The following S100A7A variants were observed in gnomAD, a reference collection of about 807,000 sequenced individuals.
S100A7A encodes the protein protein S100-A7A.
In S100A7A, 5 loss-of-function variants were observed where a neutral mutation model predicts 4.0. The ratio of observed to expected loss-of-function variants is 1.26; its 90% CI spans 0.66 to 2.66. S100A7A has a LOEUF of 2.66. Ranked by LOEUF, S100A7A falls within the 30% of genes most tolerant of loss-of-function variation. S100A7A has a pLI of 0.01. For synonymous variants in S100A7A, 52 were observed against 46.4 expected (o/e 1.12, Z -0.49); for missense variants, 159 against 125.1 (o/e 1.27, Z -1.29).
At chr1:153,418,782 A>T (rs1662809347) in intron 2 of S100A7A, among the ~76,000 whole-genome samples, 1 of 152,192 alleles carries the variant, frequency 6.6e-6, no homozygotes, top group African/African-American at 2.4e-5. Context: ...AGAACAAAGC[A>T]TGAGGGCCAA....
At chr1:153,416,929 G>T (rs905777061) in intron 1 of S100A7A, among the ~76,000 whole-genome samples, 2 of 152,240 alleles carry the variant, frequency 1.3e-5, no homozygotes, top group Non-Finnish European at 2.9e-5. Flanking sequence ...CCCACAGAGG[G>T]AGGAGGGATA....
In S100A7A at chr1:153,419,782, A is replaced by C. The variant is rs1662847521; in HGVS notation, c.*473A>C. 1 of 156,688 alleles carries C rather than the reference A, an allele frequency of 6.4e-6. No homozygotes were observed. Among genetic ancestry groups the C allele is most frequent in the East Asian group, 1.9e-4 (1 of 5,334 alleles). 9.7% of individuals were successfully genotyped at this position (156,688 alleles called of 1,614,324 possible). A position where few individuals can be genotyped will look rare whatever the true frequency, so the allele number is the denominator to read the frequency against. ...TCCAGGGCTTGGGGAAACAGAAACC[A>C]CTCACATAGGGATTCCTGGATGGCT... On this transcript the variant is annotated 3_prime_UTR_variant, in exon 3 of 3. Transcript: ENST00000368729.
intron 2 of S100A7A, 41 bp downstream of exon 2, chr1:153,418,264 G>T: frequency 6.2e-7 from 1 of 1,604,584 alleles, no homozygotes; most frequent in South Asian, 1.2e-5. Flanking sequence ...TTGGACCCTG[G>T]CATGGCTGAG....
At position 153,421,831 on chromosome 1, in the gene S100A7A, T is replaced by C. The variant is rs568480839; in HGVS notation, c.*2522T>C. On this transcript the variant is annotated 3_prime_UTR_variant, in exon 3 of 3. Coordinates refer to ENST00000368729, the MANE Select transcript of S100A7A (RefSeq NM_176823.4). ...TCTTATTTCACCTGATAATATTCCG[T>C]CCAATTGGCAATGGCACATAAAAAT... is the stretch of plus-strand genomic sequence containing the variant. The C allele has an allele frequency of 1.3e-5, 2 of 152,348 alleles. No homozygotes were observed. Among genetic ancestry groups the C allele is most frequent in the South Asian group, 4.1e-4 (2 of 4,828 alleles). The allele number at this position is 152,348 out of a possible 1,614,324, so 9.4% of individuals were successfully genotyped here.
rs1293773765 is a variant in S100A7A at position 153,422,003 on chromosome 1, G to T, written c.*2694G>T. 6.6e-6 allele frequency: 1 copy of T among 152,184 alleles called. No homozygotes were observed. The highest frequency in any genetic ancestry group is 1.5e-5 in the Non-Finnish European group (1 of 68,046). The allele number at this position is 152,184 out of a possible 1,614,324, so 9.4% of individuals were successfully genotyped here. A position where few individuals can be genotyped will look rare whatever the true frequency, so the allele number is the denominator to read the frequency against. On this transcript the variant is annotated 3_prime_UTR_variant, in exon 3 of 3. Transcript: ENST00000368729. Reference sequence around the variant, plus strand: ...ATGCAGGACTCATCACATCTATTCGGATATTCTGTTTACACACCCATGTCA... The same window carrying T: ...ATGCAGGACTCATCACATCTATTCGTATATTCTGTTTACACACCCATGTCA...
chr1:153,416,595 G>C, intron 1 of S100A7A, 32 bp downstream of exon 1: 1 of 463,126 alleles, frequency 2.2e-6, no homozygotes, highest in Non-Finnish European at 4.3e-6. Context: ...GCATTTTCTA[G>C]AAGTGCCCAG....
chr1:153,419,487 G>A lies in S100A7A; in HGVS notation c.*178G>A. The A allele has an allele frequency of 1.4e-6, 1 of 694,318 alleles. No individual in the cohort carries two copies. The highest frequency in any genetic ancestry group is 2.4e-6 in the Non-Finnish European group (1 of 414,950). 43.0% of individuals were successfully genotyped at this position (694,318 alleles called of 1,614,324 possible). ...ATCCAGTGGGTCACCCAGGAGTAAT[G>A]TCCCTCCAGCAACGTTCCCCCTATG... On this transcript the variant is annotated 3_prime_UTR_variant, in exon 3 of 3. Coordinates refer to ENST00000368729, the MANE Select transcript of S100A7A (RefSeq NM_176823.4).
chr1:153,422,385 T>A lies in S100A7A; in HGVS notation c.*3076T>A, dbSNP rs979642011. The A allele has an allele frequency of 5.8e-5, 24 of 412,250 alleles. No individual in the cohort carries two copies. The highest frequency in any genetic ancestry group is 7.8e-5 in the Non-Finnish European group (24 of 306,208). The allele number at this position is 412,250 out of a possible 1,614,324, so 25.5% of individuals were successfully genotyped here. ...AAGGGCACAGGTATTAGTGTCATAT[T>A]GATCAGAATTCAACCTTTGTTCTAA... is the stretch of plus-strand genomic sequence containing the variant. On this transcript the variant is annotated 3_prime_UTR_variant, in exon 3 of 3. Transcript: ENST00000368729.
rs945345871 is a variant in S100A7A at position 153,423,157 on chromosome 1, C to T, written c.*3848C>T. 5.9e-5 allele frequency: 9 copies of T among 152,282 alleles called. No individual in the cohort carries two copies. The highest frequency in any genetic ancestry group is 1.0e-4 in the Non-Finnish European group (7 of 68,022). The allele number at this position is 152,282 out of a possible 1,614,324, so 9.4% of individuals were successfully genotyped here. A position where few individuals can be genotyped will look rare whatever the true frequency, so the allele number is the denominator to read the frequency against. The stretch of plus-strand genomic sequence containing the variant: ...TTATTGGATTAAAGAATTACTGCCT[C>T]TCACTAGGAGCATCATTTATTTACC... On this transcript the variant is annotated 3_prime_UTR_variant, in exon 3 of 3. Transcript: ENST00000368729.
chr1:153,421,739 A>G lies in S100A7A; in HGVS notation c.*2430A>G, dbSNP rs1365847996. 1 of 152,234 alleles carries G rather than the reference A, an allele frequency of 6.6e-6. No individual in the cohort carries two copies. The highest frequency in any genetic ancestry group is 1.5e-5 in the Non-Finnish European group (1 of 68,096). 9.4% of individuals were successfully genotyped at this position (152,234 alleles called of 1,614,324 possible). ...GGTGGGGTTGCTGGACCTTCAATCC[A>G]TCGCTACAGTCCAGAAGGCAATTGG... On this transcript the variant is annotated 3_prime_UTR_variant, in exon 3 of 3. Transcript: ENST00000368729.
intron 1 of S100A7A, 72 bp from the exon 2 acceptor site, chr1:153,417,990 GCCCT>G: frequency 6.4e-7 from 1 of 1,564,688 alleles, no homozygotes; most frequent in African/African-American, 1.4e-5. Context: ...TCTGTCCTCA[GCCCT>G]CCTTCTAACA....
chr1:153,417,925 C>T (rs1451079907), intron 1 of S100A7A, 141 bp from the exon 2 acceptor site: 16 of 990,336 alleles, frequency 1.6e-5, no homozygotes, highest in Non-Finnish European at 1.7e-5. Context: ...ACAACTTATC[C>T]CATCACATTT....
intron 1 of S100A7A, 23 bp from the exon 2 acceptor site, chr1:153,418,043 A>G (rs1662775417): frequency 6.2e-7 from 1 of 1,612,132 alleles, no homozygotes; most frequent in Admixed American, 1.7e-5. Flanking sequence ...AAGGTAAGAA[A>G]TGATTGTCTT....
chr1:153,422,906 A>G lies in S100A7A; in HGVS notation c.*3597A>G, dbSNP rs1571188438. On this transcript the variant is annotated 3_prime_UTR_variant, in exon 3 of 3. Transcript: ENST00000368729. Reference sequence around the variant, plus strand: ...ATTGTTTCTGGTTCCCTGCCACTATAAAAACACCATGAGAGCATACTCATA... The same window carrying G: ...ATTGTTTCTGGTTCCCTGCCACTATGAAAACACCATGAGAGCATACTCATA... The G allele has an allele frequency of 6.6e-6, 1 of 152,350 alleles. No homozygotes were observed. The highest frequency in any genetic ancestry group is 1.9e-4 in the East Asian group (1 of 5,188). 9.4% of individuals were successfully genotyped at this position (152,350 alleles called of 1,614,324 possible).
At position 153,420,967 on chromosome 1, in the gene S100A7A, C is replaced by G. The variant is rs781095950; in HGVS notation, c.*1658C>G. 6.6e-6 allele frequency: 1 copy of G among 152,592 alleles called. No individual in the cohort carries two copies. Among genetic ancestry groups the G allele is most frequent in the Admixed American group, 6.5e-5 (1 of 15,286 alleles). 9.5% of individuals were successfully genotyped at this position (152,592 alleles called of 1,614,324 possible). ...TTCCCCTGTTGTCCTCCTCTCTCCT[C>G]CACCGGGACTGCTGGTCACTGCTTA... is the stretch of plus-strand genomic sequence containing the variant. On this transcript the variant is annotated 3_prime_UTR_variant, in exon 3 of 3. Transcript: ENST00000368729.
chr1:153,420,769 A>T lies in S100A7A; in HGVS notation c.*1460A>T, dbSNP rs1340644331. 6.6e-6 allele frequency: 1 copy of T among 151,978 alleles called. No homozygotes were observed. Among genetic ancestry groups the T allele is most frequent in the African/African-American group, 2.4e-5 (1 of 41,318 alleles). The allele number at this position is 151,978 out of a possible 1,614,324, so 9.4% of individuals were successfully genotyped here. A position where few individuals can be genotyped will look rare whatever the true frequency, so the allele number is the denominator to read the frequency against. ...CTCATTCCACCTGTTCTTGGAACTC[A>T]CGGAGACCTACAGTCCCTGGGCTTT... On this transcript the variant is annotated 3_prime_UTR_variant, in exon 3 of 3. Transcript: ENST00000368729.
chr1:153,423,078 A>T lies in S100A7A; in HGVS notation c.*3769A>T, dbSNP rs1470016882. On this transcript the variant is annotated 3_prime_UTR_variant, in exon 3 of 3. Transcript: ENST00000368729. ...GTTTTTGTAACTTGCATTTTACAAG[A>T]GTTCTGACCAGCACCAGATAAGCTT... is the stretch of plus-strand genomic sequence containing the variant. 1 of 152,096 alleles carries T rather than the reference A, an allele frequency of 6.6e-6. No individual in the cohort carries two copies. The highest frequency in any genetic ancestry group is 6.5e-5 in the Admixed American group (1 of 15,270). 9.4% of individuals were successfully genotyped at this position (152,096 alleles called of 1,614,324 possible).
At position 153,420,359 on chromosome 1, in the gene S100A7A, A is replaced by G. The variant is rs1490807657; in HGVS notation, c.*1050A>G. On this transcript the variant is annotated 3_prime_UTR_variant, in exon 3 of 3. Transcript: ENST00000368729. ...GTTCACCTGGTGTCACTTCCAGGCAATGTTCTGTGCAGCCGCTCTTAGTAT... is the reference window on the plus strand; with the variant it reads ...GTTCACCTGGTGTCACTTCCAGGCAGTGTTCTGTGCAGCCGCTCTTAGTAT... The G allele has an allele frequency of 6.6e-6, 1 of 152,254 alleles. No homozygotes were observed. The highest frequency in any genetic ancestry group is 2.4e-5 in the African/African-American group (1 of 41,390). 9.4% of individuals were successfully genotyped at this position (152,254 alleles called of 1,614,324 possible).
At chr1:153,418,309 C>T (rs1430823096) in intron 2 of S100A7A, 86 bp downstream of exon 2, 51 of 1,534,342 alleles carry the variant, frequency 3.3e-5, no homozygotes, top group Non-Finnish European at 4.3e-5. Context: ...GACAGGTCAC[C>T]CTCATCCTCT....
Sources: allele counts gnomAD v4.1 joint callset (sites outside exome capture counted in the v4.1 genomes callset), GRCh38; gene constraint gnomAD v4.1.1; transcripts MANE v1.5; gene names NCBI Gene and HGNC (gene_info 2026-07-23, HGNC 2026-07-21).